The following FSTL5 variants were observed in gnomAD, a reference collection of about 807,000 sequenced individuals.
FSTL5 encodes the protein follistatin like 5.
Under a neutral mutation model 89.1 loss-of-function variants are expected in FSTL5, and 62 were observed. The ratio of observed to expected loss-of-function variants is 0.70; its 90% CI spans 0.57 to 0.86. FSTL5 has a LOEUF of 0.86. Ranked by LOEUF, FSTL5 falls within the 40% of genes least tolerant of loss-of-function variation. The pLI, the probability that FSTL5 is intolerant of heterozygous loss-of-function variation, is 0.00. For synonymous variants in FSTL5, 383 were observed against 346.2 expected (o/e 1.11, Z -1.18); for missense variants, 1,057 against 1,001.6 (o/e 1.06, Z -0.75).
intron 6 of FSTL5, among the ~76,000 whole-genome samples, chr4:161,710,484 A>G (rs1413397942): frequency 6.6e-6 from 1 of 152,120 alleles, no homozygotes; most frequent in Non-Finnish European, 1.5e-5. Flanking sequence ...GTTCTAAACC[A>G]TGGTGTTTAA....
At chr4:162,013,396 C>T (rs1393401654) in intron 3 of FSTL5, among the ~76,000 whole-genome samples, 1 of 152,084 alleles carries the variant, frequency 6.6e-6, no homozygotes, top group East Asian at 1.9e-4. Flanking sequence ...ACATAACACT[C>T]CTGGTTTCTT....
chr4:161,876,814 T>C (rs1317233911), intron 4 of FSTL5, among the ~76,000 whole-genome samples: 1 of 152,140 alleles, frequency 6.6e-6, no homozygotes, highest in East Asian at 1.9e-4. Flanking sequence ...TTTCCTATTA[T>C]ATATTACTAC....
intron 7 of FSTL5, among the ~76,000 whole-genome samples, chr4:161,605,637 T>A (rs1328070541): frequency 6.6e-6 from 1 of 152,192 alleles, no homozygotes. Flanking sequence ...TAAATTCTTG[T>A]CCTTGCATGA....
intron 3 of FSTL5, among the ~76,000 whole-genome samples, chr4:161,934,760 T>C (rs1211176905): frequency 6.6e-6 from 1 of 152,146 alleles, no homozygotes; most frequent in East Asian, 1.9e-4. Flanking sequence ...ATGTTAGACA[T>C]TATGACAGAC....
chr4:161,993,278 G>A (rs1247892929), intron 3 of FSTL5, among the ~76,000 whole-genome samples: 1 of 151,526 alleles, frequency 6.6e-6, no homozygotes, highest in Non-Finnish European at 1.5e-5. Flanking sequence ...AAATGACAAG[G>A]CTTATAAATT....
intron 2 of FSTL5, among the ~76,000 whole-genome samples, chr4:162,073,496 T>C (rs1561004248): frequency 6.6e-6 from 1 of 151,692 alleles, no homozygotes; most frequent in Non-Finnish European, 1.5e-5. Flanking sequence ...CCTTTAATCT[T>C]TGCAAAAAAC....
intron 3 of FSTL5, among the ~76,000 whole-genome samples, chr4:161,936,394 CT>C (rs1457613743): frequency 6.6e-6 from 1 of 152,044 alleles, no homozygotes; most frequent in Non-Finnish European, 1.5e-5. Flanking sequence ...TTCTTAAACC[CT>C]TTGAGACAAC....
At chr4:161,616,186 A>T (rs1439411701) in intron 7 of FSTL5, among the ~76,000 whole-genome samples, 1 of 151,760 alleles carries the variant, frequency 6.6e-6, no homozygotes, top group Non-Finnish European at 1.5e-5. Flanking sequence ...TCCTGGGTTC[A>T]AGCAATTCTC....
At chr4:161,901,724 C>T (rs1733369915) in intron 4 of FSTL5, among the ~76,000 whole-genome samples, 1 of 152,044 alleles carries the variant, frequency 6.6e-6, no homozygotes, top group East Asian at 1.9e-4. Context: ...TGCCTGAGCT[C>T]AGGAGTTCCA....
chr4:161,782,376 G>A (rs1313411492), intron 4 of FSTL5, among the ~76,000 whole-genome samples: 1 of 152,180 alleles, frequency 6.6e-6, no homozygotes, highest in East Asian at 1.9e-4. Context: ...GGTGAAACTT[G>A]TATTGCTCCA....
intron 15 of FSTL5, among the ~76,000 whole-genome samples, chr4:161,423,787 T>G (rs138529362): frequency 1.3e-5 from 2 of 152,168 alleles, no homozygotes; most frequent in Middle Eastern, 3.4e-3. Flanking sequence ...AAAGCCAACT[T>G]GAAAGTGGTT....
intron 2 of FSTL5, among the ~76,000 whole-genome samples, chr4:162,053,322 G>C (rs1385920813): frequency 6.6e-6 from 1 of 151,684 alleles, no homozygotes; most frequent in African/African-American, 2.4e-5. Flanking sequence ...TTATACTGTG[G>C]ATATAGTCAC....
At chr4:161,998,518 C>T (rs1256754721) in intron 3 of FSTL5, among the ~76,000 whole-genome samples, 2 of 152,002 alleles carry the variant, frequency 1.3e-5, no homozygotes, top group East Asian at 1.9e-4. Context: ...AATCCTTCAC[C>T]TTTGTTTCAG....
chr4:161,879,796 C>T (rs1732567000), intron 4 of FSTL5, among the ~76,000 whole-genome samples: 1 of 152,164 alleles, frequency 6.6e-6, no homozygotes, highest in Non-Finnish European at 1.5e-5. Context: ...TCCTCCAACC[C>T]TGGGACACTT....
intron 4 of FSTL5, among the ~76,000 whole-genome samples, chr4:161,805,816 T>C (rs1729947372): frequency 1.3e-5 from 2 of 152,280 alleles, no homozygotes; most frequent in African/African-American, 4.8e-5. Flanking sequence ...ATTATGACTG[T>C]AGTCCTCTCT....
At chr4:161,821,479 A>G (rs1371532398) in intron 4 of FSTL5, among the ~76,000 whole-genome samples, 3 of 152,152 alleles carry the variant, frequency 2.0e-5, no homozygotes, top group African/African-American at 7.2e-5. Context: ...GTTTTGTTAC[A>G]TGAATAAGTT....
intron 3 of FSTL5, chr4:162,032,559 T>C (rs970127525): frequency 2.0e-5 from 3 of 152,162 alleles, no homozygotes; most frequent in African/African-American, 4.8e-5. Flanking sequence ...CGCAAATGCA[T>C]GTGTTTTTTA....
At chr4:162,030,483 T>C (rs1398330810) in intron 3 of FSTL5, among the ~76,000 whole-genome samples, 1 of 152,074 alleles carries the variant, frequency 6.6e-6, no homozygotes. Context: ...GAAAAAAACA[T>C]ACTTTATTTT....
At chr4:161,828,606 A>G (rs574281035) in intron 4 of FSTL5, among the ~76,000 whole-genome samples, 1 of 152,208 alleles carries the variant, frequency 6.6e-6, no homozygotes, top group African/African-American at 2.4e-5. Flanking sequence ...GATGTTTTAG[A>G]GCAGTATCTG....
Sources: allele counts gnomAD v4.1 joint callset (sites outside exome capture counted in the v4.1 genomes callset), GRCh38; gene constraint gnomAD v4.1.1; transcripts MANE v1.5; gene names NCBI Gene and HGNC (gene_info 2026-07-23, HGNC 2026-07-21).